KRABD3: variants seen among roughly 807,000 people sequenced by gnomAD.
KRABD3 encodes the protein KRAB domain-containing protein 3.
chr7:149,730,239 G>GGCCCCAGCCCCA, the KRABD3 span: 53 of 1,564,772 alleles, frequency 3.4e-5, no homozygotes, highest in South Asian at 2.6e-4. Context: ...CTGCGTGGGA[G>GGCCCCAGCCCCA]GCCCCAGCCC....
chr7:149,723,047 T>G, the KRABD3 span: 2 of 1,122,826 alleles, frequency 1.8e-6, no homozygotes, highest in South Asian at 3.5e-5. Flanking sequence ...CCCTTAGGGA[T>G]CGTTACCAGC....
At chr7:149,729,964 A>G in the KRABD3 span, 2 of 1,290,870 alleles carry the variant, frequency 1.5e-6, no homozygotes, top group East Asian at 3.0e-5. Flanking sequence ...GGTCCTGGCC[A>G]GGCTCTGGCT....
At chr7:149,732,521 G>A in the KRABD3 span, among the ~76,000 whole-genome samples, 1 of 152,206 alleles carries the variant, frequency 6.6e-6, no homozygotes, top group Non-Finnish European at 1.5e-5. This position sits in a 1 kb window ranked among gnomAD's most constrained non-coding sequence, Gnocchi z 4.0. Context: ...AACAGGTTAG[G>A]AATGGCAGGT....
the KRABD3 span, chr7:149,728,607 C>G: frequency 6.2e-7 from 1 of 1,613,758 alleles, no homozygotes; most frequent in African/African-American, 1.3e-5. Flanking sequence ...CCTGCCTGGC[C>G]CTGCTCCTCA....
chr7:149,730,409 G>A, the KRABD3 span: 1 of 1,576,064 alleles, frequency 6.3e-7, no homozygotes, highest in East Asian at 2.3e-5. Flanking sequence ...TCTGATGCCA[G>A]CTTTGTTTGT....
chr7:149,726,437 A>ATTT, the KRABD3 span, among the ~76,000 whole-genome samples: 23 of 139,652 alleles, frequency 1.6e-4, no homozygotes, highest in African/African-American at 5.8e-4. Flanking sequence ...TCTATACAGA[A>ATTT]TTTTTTTTTT....
the KRABD3 span, among the ~76,000 whole-genome samples, chr7:149,731,431 CCT>C: frequency 1.3e-5 from 2 of 152,156 alleles, no homozygotes; most frequent in Admixed American, 1.3e-4. Context: ...TTCCCAGCTG[CCT>C]CCCCAGCCGC....
At chr7:149,720,123 C>G in the KRABD3 span, 1 of 1,551,514 alleles carries the variant, frequency 6.4e-7, no homozygotes, top group Admixed American at 2.0e-5. Context: ...GTGGAGATCC[C>G]CAGGGTAAGT....
At chr7:149,730,816 G>A in the KRABD3 span, 3,824 of 552,868 alleles carry the variant, frequency 6.9e-3, 116 homozygotes, top group African/African-American at 0.064. Flanking sequence ...CGGTGTTTGC[G>A]CTTGCTAATA....
At chr7:149,729,267 C>T in the KRABD3 span, 5 of 1,604,372 alleles carry the variant, frequency 3.1e-6, no homozygotes, top group East Asian at 6.8e-5. Flanking sequence ...TCCATCTGGT[C>T]AGCCCACAGG....
At chr7:149,722,503 C>A in the KRABD3 span, 1 of 1,607,228 alleles carries the variant, frequency 6.2e-7, no homozygotes, top group South Asian at 1.1e-5. Context: ...ACCCATAGCC[C>A]CAGCAGGAGG....
chr7:149,731,977 G>T, the KRABD3 span, among the ~76,000 whole-genome samples: 1 of 152,240 alleles, frequency 6.6e-6, no homozygotes. Context: ...ACCTTTTAGA[G>T]GTGGAAATTG....
the KRABD3 span, among the ~76,000 whole-genome samples, chr7:149,715,533 G>A: frequency 6.6e-6 from 1 of 152,176 alleles, no homozygotes; most frequent in Non-Finnish European, 1.5e-5. Context: ...GGCACCGTTT[G>A]GGCTAGGTTG....
the KRABD3 span, chr7:149,721,720 C>T: frequency 1.3e-6 from 1 of 760,334 alleles, no homozygotes; most frequent in East Asian, 2.7e-5. Context: ...GGTGTAACCA[C>T]CAAAGAGGAG....
At chr7:149,720,102 G>C in the KRABD3 span, 1 of 1,552,952 alleles carries the variant, frequency 6.4e-7, no homozygotes, top group African/African-American at 1.4e-5. Flanking sequence ...AGGGGCAGGA[G>C]CCTGCTGGTT....
chr7:149,733,622 G>A, the KRABD3 span: 3 of 1,593,344 alleles, frequency 1.9e-6, no homozygotes, highest in South Asian at 3.4e-5. Context: ...GATCCTGCGT[G>A]GCCAGGGAGA....
chr7:149,719,713 T>C, the KRABD3 span: 1 of 1,578,060 alleles, frequency 6.3e-7, no homozygotes, highest in Non-Finnish European at 8.6e-7. The surrounding 1 kb of genome is among the most constrained non-coding windows in gnomAD (Gnocchi z 5.6). Flanking sequence ...AGGAGCCTGG[T>C]GGGCGGTGGA....
At chr7:149,730,059 G>A in the KRABD3 span, 9 of 1,411,944 alleles carry the variant, frequency 6.4e-6, no homozygotes, top group Non-Finnish European at 8.3e-6. Context: ...GAGCTGAAAA[G>A]GGGACCGGTT....
the KRABD3 span, chr7:149,721,318 G>A: frequency 4.1e-5 from 63 of 1,520,224 alleles, no homozygotes; most frequent in Non-Finnish European, 5.0e-5. Flanking sequence ...GACCCAGAAT[G>A]TGACAGTGTG....
Sources: allele counts gnomAD v4.1 joint callset (sites outside exome capture counted in the v4.1 genomes callset), GRCh38; gene constraint gnomAD v4.1.1; non-coding constraint Gnocchi (gnomAD v3.1); transcripts MANE v1.5; gene names NCBI Gene and HGNC (gene_info 2026-07-23, HGNC 2026-07-21).